TMED3: variants seen among roughly 807,000 people sequenced by gnomAD.
TMED3 encodes transmembrane p24 trafficking protein 3.
TMED3 carries 9 observed loss-of-function variants against 15.0 expected under a neutral mutation model. The observed-to-expected ratio is 0.60, with a 90% CI of 0.36 to 1.04. TMED3 has a LOEUF of 1.04. TMED3 is among the 50% of genes least tolerant of loss of function. The probability of loss-of-function intolerance (pLI) is 0.01; values close to 1 mark genes in which losing one functional copy is unlikely to be tolerated. For synonymous variants in TMED3, 117 were observed against 121.4 expected (o/e 0.96, Z 0.24); for missense variants, 267 against 278.9 (o/e 0.96, Z 0.30).
intron 2 of TMED3, among the ~76,000 whole-genome samples, chr15:79,353,001 AAAAT>A (rs2058898528): frequency 9.1e-6 from 1 of 109,546 alleles, no homozygotes; most frequent in Non-Finnish European, 1.8e-5. Context: ...TATGTTATAT[AAAAT>A]ATATATTATA....
At chr15:79,338,152 A>C (rs1381427104) in intron 2 of TMED3, among the ~76,000 whole-genome samples, 2 of 152,244 alleles carry the variant, frequency 1.3e-5, no homozygotes, top group Non-Finnish European at 2.9e-5. Flanking sequence ...TAGTAAAATT[A>C]TAAAAACACA....
intron 2 of TMED3, among the ~76,000 whole-genome samples, chr15:79,361,852 T>C (rs1331447725): frequency 3.3e-5 from 5 of 152,318 alleles, no homozygotes. Context: ...TTTCGGAATG[T>C]GTCCATTTAT....
chr15:79,370,078 A>G (rs1389025515), intron 2 of TMED3, among the ~76,000 whole-genome samples: 1 of 152,002 alleles, frequency 6.6e-6, no homozygotes, highest in Non-Finnish European at 1.5e-5. Context: ...GGTGAAGAAG[A>G]GGTAAAAGGC....
chr15:79,333,240 T>G (rs16970860), intron 2 of TMED3, among the ~76,000 whole-genome samples: 27,959 of 152,196 alleles, frequency 0.18, 2,566 homozygotes, highest in Admixed American at 0.25. Context: ...TAGAACATTC[T>G]TGGTCAAACT....
downstream of TMED3, among the ~76,000 whole-genome samples, chr15:79,324,131 C>T (rs1467911650): frequency 6.6e-6 from 1 of 152,162 alleles, no homozygotes; most frequent in African/African-American, 2.4e-5. Flanking sequence ...GCTGGGACTA[C>T]AGGCACCCGC....
chr15:79,321,780 G>C (rs921396926), intron 2 of TMED3, among the ~76,000 whole-genome samples, 198 bp from the exon 3 acceptor site: 2 of 152,164 alleles, frequency 1.3e-5, no homozygotes, highest in Non-Finnish European at 2.9e-5. Context: ...TGTGACTCTG[G>C]GCAAGTTACT....
intron 2 of TMED3, among the ~76,000 whole-genome samples, chr15:79,344,470 A>G (rs1242660311): frequency 6.6e-6 from 1 of 152,152 alleles, no homozygotes; most frequent in Non-Finnish European, 1.5e-5. Context: ...CCAGGCTAGG[A>G]TACATGACTA....
Position 79,322,797 on chromosome 15 carries a change from A to G in TMED3, c.*583A>G, listed in dbSNP as rs1032679525. 17 of 985,452 alleles carry G rather than the reference A, an allele frequency of 1.7e-5. No homozygotes were observed. The East Asian group carries it at 1.8e-3, about 105-fold the overall frequency. The allele number at this position is 985,452 out of a possible 1,614,324, so 61.0% of individuals were successfully genotyped here. A position where few individuals can be genotyped will look rare whatever the true frequency, so the allele number is the denominator to read the frequency against. On this transcript the variant is annotated 3_prime_UTR_variant, in exon 3 of 3. Transcript: ENST00000299705. ...AGCTGTGTATTTCCTAGGAGGTAGA[A>G]AACTGTGGGAAACTGTGGCTAATAA...
chr15:79,311,305 G>A lies in TMED3; in HGVS notation c.56G>A (p.Arg19His). The change falls in exon 1 of 3, where the codon CGC (arginine) becomes CAC (histidine). Residue 19 changes from arginine to histidine, a missense_variant. By Grantham distance (29) the Arg-to-His change is conservative. Around this residue, in one of 3 missense-constraint regions of TMED3, gnomAD observed 59 missense variants for 47.0 expected, o/e 1.26. Transcript: ENST00000299705. ...ASVLLLLLLLRRAEQPCGAEL... is the reference protein window; with the variant it reads ...ASVLLLLLLLHRAEQPCGAEL... ...GTGCTGCTTCTGCTGCTGCTCCTGC[G>A]CCGGGCCGAGCAGCCCTGCGGGGCC... 1.2e-6 allele frequency: 2 copies of A among 1,608,244 alleles called. No homozygotes were observed. Among genetic ancestry groups the A allele is most frequent in the East Asian group, 2.2e-5 (1 of 44,512 alleles).
At chr15:79,342,549 G>C (rs1310568456) in intron 2 of TMED3, among the ~76,000 whole-genome samples, 1 of 152,156 alleles carries the variant, frequency 6.6e-6, no homozygotes, top group Non-Finnish European at 1.5e-5. Flanking sequence ...GGAGTCCTTT[G>C]AAGTACAATA....
intron 2 of TMED3, among the ~76,000 whole-genome samples, chr15:79,398,937 G>C (rs1343678603): frequency 2.0e-5 from 3 of 152,144 alleles, no homozygotes; most frequent in Non-Finnish European, 4.4e-5. Flanking sequence ...TTGAGACAGA[G>C]TCTTGCTCTG....
At chr15:79,381,724 T>TTA (rs1893540096) in intron 2 of TMED3, among the ~76,000 whole-genome samples, 1 of 152,194 alleles carries the variant, frequency 6.6e-6, no homozygotes, top group Non-Finnish European at 1.5e-5. Flanking sequence ...CCTGGGGTGA[T>TTA]AAACAGTTGC....
intron 2 of TMED3, among the ~76,000 whole-genome samples, chr15:79,345,055 A>G (rs2058864892): frequency 6.6e-6 from 1 of 152,234 alleles, no homozygotes; most frequent in South Asian, 2.1e-4. Context: ...GCTACCAATC[A>G]GGAAGAAGAG....
At chr15:79,345,561 A>G (rs902046632) in intron 2 of TMED3, among the ~76,000 whole-genome samples, 5 of 152,170 alleles carry the variant, frequency 3.3e-5, no homozygotes, top group Non-Finnish European at 7.3e-5. Context: ...GTGGGCATTT[A>G]GGTTGTTGAT....
intron 1 of TMED3, 87 bp downstream of exon 1, chr15:79,311,504 C>T (rs1217799427): frequency 2.0e-5 from 29 of 1,451,168 alleles, no homozygotes; most frequent in East Asian, 2.5e-5. Context: ...TGGAGGCGCT[C>T]GAATTAGCCA....
chr15:79,388,461 G>C (rs1052233088), intron 2 of TMED3, among the ~76,000 whole-genome samples: 16 of 150,712 alleles, frequency 1.1e-4, no homozygotes, highest in African/African-American at 3.9e-4. Flanking sequence ...ATTCAATTTT[G>C]TATATACATA....
chr15:79,386,934 CTTTT>C (rs372149513), intron 2 of TMED3, among the ~76,000 whole-genome samples: 1 of 137,346 alleles, frequency 7.3e-6, no homozygotes. Context: ...ATCTTTTAAT[CTTTT>C]TTTTTTTTTT....
intron 2 of TMED3, among the ~76,000 whole-genome samples, chr15:79,369,555 T>G (rs1216588438): frequency 6.6e-6 from 1 of 152,242 alleles, no homozygotes; most frequent in East Asian, 1.9e-4. Context: ...ACCTCGCTCT[T>G]GTTAATTGGA....
intron 2 of TMED3, among the ~76,000 whole-genome samples, chr15:79,385,325 C>G (rs1481275288): frequency 6.6e-6 from 1 of 152,176 alleles, no homozygotes; most frequent in Non-Finnish European, 1.5e-5. Context: ...GCACCTACCC[C>G]TAGGAAGGGG....
Sources: gnomAD v4.1 joint callset for allele counts (sites outside exome capture counted in the v4.1 genomes callset) on GRCh38, gnomAD v4.1.1 for gene constraint, gnomAD v4.1.1 regional missense constraint, MANE v1.5 for transcripts, NCBI Gene and HGNC (gene_info 2026-07-23, HGNC 2026-07-21) for gene names.